The following UNC79 variants were observed in gnomAD, a reference collection of about 807,000 sequenced individuals.
UNC79 encodes unc-79 subunit of NALCN channel complex, also known as protein unc-79 homolog.
Under a neutral mutation model 283.1 loss-of-function variants are expected in UNC79, and 37 were observed. The observed-to-expected ratio is 0.13, with a 90% confidence interval of 0.10 to 0.17. The LOEUF (loss-of-function observed/expected upper bound fraction) is 0.17, where lower values mean the gene tolerates loss of function less well. UNC79 is among the 10% of genes least tolerant of loss of function. The probability of loss-of-function intolerance (pLI) is 1.00; values close to 1 mark genes in which losing one functional copy is unlikely to be tolerated. For synonymous variants in UNC79, 1,107 were observed against 1,200.2 expected, an observed-to-expected ratio of 0.92 and a Z score of 1.61; for missense variants, 2,272 against 3,211.1, an observed-to-expected ratio of 0.71 and a Z score of 7.07.
At chr14:93,523,931 G>C in intron 7 of UNC79, 47 bp from the exon 8 acceptor site, 1 of 1,597,328 alleles carries the variant, frequency 6.3e-7, no homozygotes, top group Non-Finnish European at 8.6e-7. Flanking sequence ...ACTAGGGCAT[G>C]AATAATTTCA....
At chr14:93,353,704 C>A (rs1489254346) in intron 1 of UNC79, among the ~76,000 whole-genome samples, 5 of 152,214 alleles carry the variant, frequency 3.3e-5, no homozygotes, top group African/African-American at 9.6e-5. Flanking sequence ...TCTCCTCAAA[C>A]TTGCTCTTCT....
intron 31 of UNC79, among the ~76,000 whole-genome samples, chr14:93,632,130 T>A (rs971532883): frequency 6.6e-6 from 1 of 152,228 alleles, no homozygotes; most frequent in African/African-American, 2.4e-5. Context: ...GCTAGGCCCT[T>A]TAGACTTACA....
intron 47 of UNC79, among the ~76,000 whole-genome samples, chr14:93,696,296 T>C (rs540213549): frequency 9.2e-5 from 14 of 152,320 alleles, no homozygotes; most frequent in Admixed American, 5.2e-4. Context: ...TTTGTGTACA[T>C]ATATGTTTTC....
intron 2 of UNC79, 58 bp downstream of exon 2, chr14:93,467,849 A>C: frequency 6.9e-7 from 1 of 1,439,458 alleles, no homozygotes; most frequent in Non-Finnish European, 9.0e-7. Flanking sequence ...TGCTGAATTT[A>C]TTGGGATCTA....
chr14:93,477,808 G>A, intron 4 of UNC79, 80 bp downstream of exon 4: 1 of 1,353,130 alleles, frequency 7.4e-7, no homozygotes, highest in South Asian at 1.4e-5. Context: ...ATAGGCTCTA[G>A]TTTTTCGAGA....
chr14:93,616,819 T>C (rs1426914991), intron 27 of UNC79, among the ~76,000 whole-genome samples: 1 of 152,224 alleles, frequency 6.6e-6, no homozygotes, highest in African/African-American at 2.4e-5. Context: ...ACTAGGTTTC[T>C]TCATTGTCTA....
intron 5 of UNC79, 64 bp downstream of exon 5, chr14:93,487,819 A>G: frequency 6.7e-7 from 1 of 1,485,046 alleles, no homozygotes; most frequent in Non-Finnish European, 9.3e-7. Flanking sequence ...ACATCAAACA[A>G]GCAGGCTAGA....
chr14:93,399,443 G>A (rs139884893), intron 1 of UNC79, among the ~76,000 whole-genome samples: 393 of 152,246 alleles, frequency 2.6e-3, no homozygotes, highest in Non-Finnish European at 4.8e-3. Flanking sequence ...TGATTGCTGG[G>A]CACTATTGAA....
chr14:93,493,496 C>G (rs1186754824), intron 5 of UNC79, among the ~76,000 whole-genome samples: 1 of 152,128 alleles, frequency 6.6e-6, no homozygotes, highest in Non-Finnish European at 1.5e-5. Context: ...GGAAGGAGGT[C>G]ATTGCATTTG....
At chr14:93,447,815 T>C (rs904084110) in intron 1 of UNC79, among the ~76,000 whole-genome samples, 4 of 152,174 alleles carry the variant, frequency 2.6e-5, no homozygotes, top group Non-Finnish European at 5.9e-5. Context: ...TTATTCCCTC[T>C]GGCCTTCTTG....
At chr14:93,385,639 C>T (rs901863792) in intron 1 of UNC79, among the ~76,000 whole-genome samples, 7 of 151,970 alleles carry the variant, frequency 4.6e-5, no homozygotes, top group Non-Finnish European at 7.4e-5. Flanking sequence ...ATTAGCCAGG[C>T]GTGTTGGTGC....
chr14:93,590,838 A>T (rs1465737084), intron 22 of UNC79, among the ~76,000 whole-genome samples: 1 of 152,192 alleles, frequency 6.6e-6, no homozygotes, highest in African/African-American at 2.4e-5. Flanking sequence ...GCATTCTTCA[A>T]CTACACCGGA....
rs151218165 is a variant in UNC79, at chr14:93,447,499, G to A, written c.22+16448G>A. ...TGTAACTTTAATTTTAAAATTACATGGTTAATAAAGAAATTAACAGAAAAA... is the reference window on the plus strand; with the variant it reads ...TGTAACTTTAATTTTAAAATTACATAGTTAATAAAGAAATTAACAGAAAAA... On this transcript the variant is annotated intron_variant, in intron 1 of 48. Coordinates refer to ENST00000555664, the Ensembl canonical transcript of UNC79. Among the ~76,000 whole-genome samples the A allele has an allele frequency of 5.2e-3, 783 of 151,644 alleles. 1 individual carries two copies. The highest frequency in any genetic ancestry group is 5.9e-3 in the Non-Finnish European group (399 of 67,900).
intron 30 of UNC79, among the ~76,000 whole-genome samples, chr14:93,624,426 G>A (rs976447408): frequency 6.6e-6 from 1 of 152,154 alleles, no homozygotes; most frequent in Non-Finnish European, 1.5e-5. Context: ...TATGGAAGGA[G>A]GAGGGCATTG....
chr14:93,495,350 T>TTCAC (rs2058968724), intron 5 of UNC79, among the ~76,000 whole-genome samples: 1 of 152,162 alleles, frequency 6.6e-6, no homozygotes, highest in East Asian at 1.9e-4. Flanking sequence ...AAACTGCCTT[T>TTCAC]ATGAAACCAT....
chr14:93,490,238 C>T (rs12434251), intron 5 of UNC79, among the ~76,000 whole-genome samples: 83,216 of 151,690 alleles, frequency 0.55, 23,118 homozygotes, highest in Admixed American at 0.64. Context: ...TGGACAATAC[C>T]TCCTGGCTTC....
intron 35 of UNC79, among the ~76,000 whole-genome samples, chr14:93,653,464 A>C (rs1414385329): frequency 6.6e-6 from 1 of 151,950 alleles, no homozygotes; most frequent in Non-Finnish European, 1.5e-5. Flanking sequence ...TGACCTTTGT[A>C]TGTGACCTCT....
intron 14 of UNC79, among the ~76,000 whole-genome samples, chr14:93,568,886 T>A (rs1432895909): frequency 3.3e-5 from 5 of 152,180 alleles, no homozygotes; most frequent in Non-Finnish European, 7.3e-5. Context: ...TGCCCTGATA[T>A]ATAATCTCAT....
chr14:93,616,493 C>T (rs1002385264), intron 27 of UNC79, among the ~76,000 whole-genome samples: 12 of 151,502 alleles, frequency 7.9e-5, no homozygotes, highest in African/African-American at 1.7e-4. Flanking sequence ...CTCAGCCTCC[C>T]GAGTAGCTAG....
Sources: allele counts gnomAD v4.1 joint callset (sites outside exome capture counted in the v4.1 genomes callset), GRCh38; gene constraint gnomAD v4.1.1; transcripts MANE v1.5; gene names NCBI Gene and HGNC (gene_info 2026-07-23, HGNC 2026-07-21).